Variants in ITM2B observed in about 807,000 individuals in gnomAD.
ITM2B encodes integral membrane protein 2B.
Under a neutral mutation model 27.8 loss-of-function variants are expected in ITM2B, and 11 were observed. That is an observed-to-expected ratio of 0.40 (90% CI 0.25 to 0.66). The LOEUF is 0.66. Ranked by LOEUF, ITM2B falls within the 30% of genes least tolerant of loss-of-function variation. ITM2B has a pLI of 0.43. For synonymous variants in ITM2B, 114 were observed against 114.3 expected (o/e 1.00, Z 0.02); for missense variants, 296 against 328.9 (o/e 0.90, Z 0.77).
At position 48,233,312 on chromosome 13, in the gene ITM2B, C is replaced by T. The variant is rs1197857507; in HGVS notation, c.-49C>T. ...GCAATCGCAGCCGGGAGCCCGCAGC[C>T]CGCGCCCCGAGCCCGCCGCCGCCCT... is the stretch of plus-strand genomic sequence containing the variant. On this transcript the variant is annotated 5_prime_UTR_variant, in exon 1 of 6. Transcript: ENST00000647800. 4 of 1,265,550 alleles carry T rather than the reference C, an allele frequency of 3.2e-6. No homozygotes were observed. Among genetic ancestry groups the T allele is most frequent in the Non-Finnish European group, 4.4e-6 (4 of 910,074 alleles). The allele number at this position is 1,265,550 out of a possible 1,614,324, so 78.4% of individuals were successfully genotyped here.
intron 1 of ITM2B, among the ~76,000 whole-genome samples, chr13:48,237,136 G>A (rs1951672989): frequency 6.6e-6 from 1 of 152,132 alleles, no homozygotes; most frequent in Non-Finnish European, 1.5e-5. Flanking sequence ...GTTTTTTGGG[G>A]AGTGAGGAGA....
rs1566156285 is a variant in ITM2B at position 48,233,394 on chromosome 13, C to A, written c.34C>A (p.Gln12Lys). ...GGTGACGTTCAACTCCGCTCTGGCCCAGAAGGAGGCCAAGAAGGACGAGCC... is the reference window on the plus strand; with the variant it reads ...GGTGACGTTCAACTCCGCTCTGGCCAAGAAGGAGGCCAAGAAGGACGAGCC... ...VKVTFNSALA[Q>K]KEAKKDEPKS... The change falls in exon 1 of 6, where the codon CAG becomes AAG. Residue 12 changes from glutamine (Q) to lysine (K), a missense_variant. Transcript: ENST00000647800. 6.4e-7 allele frequency: 1 copy of A among 1,565,054 alleles called. No homozygotes were observed. Among genetic ancestry groups the A allele is most frequent in the Admixed American group, 1.8e-5 (1 of 54,220 alleles).
Position 48,256,397 on chromosome 13 carries a change from C to T in ITM2B, c.453+14C>T, listed in dbSNP as rs1951789221. 4.4e-6 allele frequency: 7 copies of T among 1,589,288 alleles called. No homozygotes were observed. In the African/African-American group the frequency reaches 5.4e-5, roughly 12 times the overall value. On this transcript the variant is annotated intron_variant, in intron 3 of 5. Coordinates refer to ENST00000647800, the MANE Select transcript of ITM2B (RefSeq NM_021999.5). ...GACTTTAACAAGGTGAGCCAAGTGT[C>T]CAGAATTGTAGAAAGAATGCAGGTT... is the stretch of plus-strand genomic sequence containing the variant.
rs1335111071 is a variant in ITM2B, at chr13:48,233,454, G to T, written c.94G>T (p.Asp32Tyr). ...CGAGGAGGCGCTCATCATCCCCCCCGACGCCGTCGCGGTGGACTGCAAGGT... is the reference window on the plus strand; with the variant it reads ...CGAGGAGGCGCTCATCATCCCCCCCTACGCCGTCGCGGTGGACTGCAAGGT... ...SGEEALIIPP[D>Y]AVAVDCKDPD... Residue 32 changes from aspartate (D) to tyrosine (Y), a missense_variant, in exon 1 of 6, where the codon GAC becomes TAC. Transcript: ENST00000647800. 9.8e-6 allele frequency: 15 copies of T among 1,535,558 alleles called. No individual in the cohort carries two copies. Among genetic ancestry groups the T allele is most frequent in the Non-Finnish European group, 1.2e-5 (14 of 1,142,538 alleles).
chr13:48,253,674 T>G (rs9285166), intron 1 of ITM2B, 134 bp from the exon 2 acceptor site: 25,878 of 899,000 alleles, frequency 0.029, 1,015 homozygotes, highest in African/African-American at 0.14. Flanking sequence ...GGGTTGATTT[T>G]GATGAGAGAC....
intron 5 of ITM2B, 100 bp from the exon 6 acceptor site, chr13:48,261,035 AGAGT>A (rs1233933037): frequency 1.3e-6 from 1 of 762,904 alleles, no homozygotes; most frequent in African/African-American, 1.8e-5. Context: ...TGTGGAATAT[AGAGT>A]GAAATACTTC....
intron 3 of ITM2B, among the ~76,000 whole-genome samples, chr13:48,256,886 A>G (rs1190602193): frequency 6.6e-6 from 1 of 152,132 alleles, no homozygotes; most frequent in Non-Finnish European, 1.5e-5. Context: ...TTATGCTATT[A>G]TCTCTCAAGA....
At chr13:48,257,889 ATTAC>A (rs552803684) in intron 3 of ITM2B, among the ~76,000 whole-genome samples, 48 of 152,318 alleles carry the variant, frequency 3.2e-4, no homozygotes, top group African/African-American at 1.1e-3. Flanking sequence ...AATAGGTATT[ATTAC>A]TTATTATAGA....
At chr13:48,258,975 G>A in intron 5 of ITM2B, 28 bp downstream of exon 5, 1 of 1,577,766 alleles carries the variant, frequency 6.3e-7, no homozygotes, top group Non-Finnish European at 8.7e-7. Flanking sequence ...TTAAAGTGTT[G>A]GGCAGAAAAG....
Position 48,264,026 on chromosome 13 carries a change from A to G in ITM2B, c.*2802A>G, listed in dbSNP as rs992762190. The stretch of plus-strand genomic sequence containing the variant: ...TTGCAACACATTCTGCCCCTATTGC[A>G]TTGGTTTAAAAAAAAAGTACAGAAG... On this transcript the variant is annotated 3_prime_UTR_variant, in exon 6 of 6. Transcript: ENST00000647800. The G allele has an allele frequency of 5.3e-5, 8 of 152,048 alleles. No homozygotes were observed. Among genetic ancestry groups the G allele is most frequent in the African/African-American group, 1.9e-4 (8 of 41,384 alleles). The allele number at this position is 152,048 out of a possible 1,614,324, so 9.4% of individuals were successfully genotyped here.
intron 3 of ITM2B, among the ~76,000 whole-genome samples, chr13:48,257,100 T>A (rs1566163645): frequency 1.3e-5 from 2 of 152,196 alleles, no homozygotes; most frequent in Admixed American, 1.3e-4. Context: ...AAATTTAATT[T>A]ACAAATTAGC....
chr13:48,243,551 G>A (rs1232404729), intron 1 of ITM2B, among the ~76,000 whole-genome samples: 3 of 152,086 alleles, frequency 2.0e-5, no homozygotes, highest in South Asian at 4.1e-4. Context: ...GCTGTGGGCC[G>A]GGCATGGTGG....
chr13:48,244,779 G>A (rs975726387), intron 1 of ITM2B, among the ~76,000 whole-genome samples: 5 of 151,898 alleles, frequency 3.3e-5, no homozygotes, highest in Admixed American at 1.3e-4. Context: ...TAGAGCATTC[G>A]AATTGTGCTT....
rs1774699919 is a variant in ITM2B at position 48,267,967 on chromosome 13, A to C, written c.*6743A>C. 6.6e-6 allele frequency: 1 copy of C among 152,214 alleles called. No individual in the cohort carries two copies. The highest frequency in any genetic ancestry group is 1.5e-5 in the Non-Finnish European group (1 of 68,036). The allele number at this position is 152,214 out of a possible 1,614,324, so 9.4% of individuals were successfully genotyped here. A position where few individuals can be genotyped will look rare whatever the true frequency, so the allele number is the denominator to read the frequency against. On this transcript the variant is annotated 3_prime_UTR_variant, in exon 6 of 6. Transcript: ENST00000647800. ...TATATCTTAAGTGTTCAACTCAGTGAGTTTTGACACTTTTCTTTGTCCATG... is the reference window on the plus strand; with the variant it reads ...TATATCTTAAGTGTTCAACTCAGTGCGTTTTGACACTTTTCTTTGTCCATG...
At chr13:48,247,027 C>T (rs1951727897) in intron 1 of ITM2B, among the ~76,000 whole-genome samples, 1 of 152,128 alleles carries the variant, frequency 6.6e-6, no homozygotes, top group Non-Finnish European at 1.5e-5. Context: ...CGGGTTTCAC[C>T]ATGTTGGCCA....
chr13:48,260,779 C>CACGT (rs1388300751), intron 5 of ITM2B, among the ~76,000 whole-genome samples: 2 of 152,114 alleles, frequency 1.3e-5, no homozygotes, highest in African/African-American at 2.4e-5. Context: ...GTCAGCCTTA[C>CACGT]ACGTGCCATG....
rs1951647730 is a variant in ITM2B at position 48,233,429 on chromosome 13, C to T, written c.69C>T (p.Gly23=). 4 of 1,545,254 alleles carry T rather than the reference C, an allele frequency of 2.6e-6. No individual in the cohort carries two copies. The highest frequency in any genetic ancestry group is 3.5e-6 in the Non-Finnish European group (4 of 1,147,720). ...KEAKKDEPKS[G]EEALIIPPDA... is the part of the protein sequence containing the mutation. ...CCAAGAAGGACGAGCCCAAGAGCGG[C>T]GAGGAGGCGCTCATCATCCCCCCCG... Residue 23 remains glycine (G), a synonymous_variant, in exon 1 of 6, where the codon GGC becomes GGT. Coordinates refer to ENST00000647800, the MANE Select transcript of ITM2B (RefSeq NM_021999.5).
At chr13:48,258,482 T>C (rs1359377999) in intron 4 of ITM2B, among the ~76,000 whole-genome samples, 1 of 152,236 alleles carries the variant, frequency 6.6e-6, no homozygotes, top group Non-Finnish European at 1.5e-5. Context: ...TACTTAATTC[T>C]GGTGCCATAG....
rs184166267 is a variant in ITM2B at position 48,267,369 on chromosome 13, A to C, written c.*6145A>C. 1.2e-4 allele frequency: 19 copies of C among 152,290 alleles called. No individual in the cohort carries two copies. The highest frequency in any genetic ancestry group is 5.9e-5 in the Non-Finnish European group (4 of 68,028). The allele number at this position is 152,290 out of a possible 1,614,324, so 9.4% of individuals were successfully genotyped here. A position where few individuals can be genotyped will look rare whatever the true frequency, so the allele number is the denominator to read the frequency against. ...GAACATTACACTTTATTTAACCCCTAATTATCTGATAACCCAAGTTCTGTC... is the reference window on the plus strand; with the variant it reads ...GAACATTACACTTTATTTAACCCCTCATTATCTGATAACCCAAGTTCTGTC... On this transcript the variant is annotated 3_prime_UTR_variant, in exon 6 of 6. Transcript: ENST00000647800.
Sources: allele counts gnomAD v4.1 joint callset (sites outside exome capture counted in the v4.1 genomes callset), GRCh38; gene constraint gnomAD v4.1.1; transcripts MANE v1.5; gene names NCBI Gene and HGNC (gene_info 2026-07-23, HGNC 2026-07-21).